The following AKAP8L variants were observed in gnomAD, a reference collection of about 807,000 sequenced individuals.
AKAP8L encodes A-kinase anchor protein 8-like.
AKAP8L carries 34 observed loss-of-function variants against 77.5 expected under a neutral mutation model. That is an observed-to-expected ratio of 0.44 (90% CI 0.33 to 0.58). The LOEUF (loss-of-function observed/expected upper bound fraction) is 0.58, where lower values mean the gene tolerates loss of function less well. Among genes scored for constraint, AKAP8L ranks in the 20% least tolerant of loss-of-function variants. AKAP8L has a pLI of 0.02. For missense variants in AKAP8L, 806 were observed against 887.6 expected, an observed-to-expected ratio of 0.91 and a Z score of 1.17; for synonymous variants, 342 against 340.7, an observed-to-expected ratio of 1.00 and a Z score of -0.04.
intron 12 of AKAP8L, among the ~76,000 whole-genome samples, chr19:15,395,941 G>T (rs1466884786): frequency 8.8e-6 from 1 of 113,674 alleles, no homozygotes; most frequent in Admixed American, 1.2e-4. Flanking sequence ...CCGAGATCGC[G>T]CCACTGCACT....
At chr19:15,388,823 G>C (rs997393814) in intron 12 of AKAP8L, among the ~76,000 whole-genome samples, 12 of 151,940 alleles carry the variant, frequency 7.9e-5, no homozygotes, top group South Asian at 2.1e-4. Context: ...GGCTGAGGCA[G>C]GAGAATGGCA....
At chr19:15,411,123 A>C (rs1394499654) in intron 1 of AKAP8L, among the ~76,000 whole-genome samples, 3 of 152,122 alleles carry the variant, frequency 2.0e-5, no homozygotes, top group African/African-American at 7.2e-5. Flanking sequence ...CCCAAATAAA[A>C]ATTTTTAAAC....
chr19:15,408,736 T>C (rs1968051487), intron 2 of AKAP8L, among the ~76,000 whole-genome samples: 1 of 150,658 alleles, frequency 6.6e-6, no homozygotes, highest in Non-Finnish European at 1.5e-5. Context: ...ACAAAAAGAT[T>C]AGCCAGGCGT....
rs1210288417 is a variant in AKAP8L at position 15,395,086 on chromosome 19, GTGGCACGATCT to G, written c.1536+2053_1536+2063del. Among the ~76,000 whole-genome samples the G allele has an allele frequency of 4.0e-5, 6 of 151,632 alleles. No homozygotes were observed. In the East Asian group the frequency reaches 1.2e-3, roughly 30 times the overall value. On this transcript the variant is annotated intron_variant, in intron 12 of 13. Transcript: ENST00000397410. The stretch of plus-strand genomic sequence containing the variant: ...GCTCTGTCGCCCAGGCTGAAGTGCA[GTGGCACGATCT>G]TGGCTTACTGCAAGCTCTGCCTCCT...
At chr19:15,385,118 C>T (rs1967503918) in intron 12 of AKAP8L, among the ~76,000 whole-genome samples, 1 of 152,190 alleles carries the variant, frequency 6.6e-6, no homozygotes, top group Admixed American at 6.5e-5. Flanking sequence ...GCTGGGACTA[C>T]AGGCGCCCAC....
At chr19:15,387,653 A>C (rs773003871) in intron 12 of AKAP8L, among the ~76,000 whole-genome samples, 1 of 152,048 alleles carries the variant, frequency 6.6e-6, no homozygotes, top group Admixed American at 6.6e-5. Flanking sequence ...AATCTCAAAC[A>C]ACCACCTCAA....
Position 15,399,692 on chromosome 19 carries a change from G to A in AKAP8L, c.1049-282C>T. The A allele has an allele frequency of 2.1e-6, 1 of 467,608 alleles. No individual in the cohort carries two copies. The highest frequency in any genetic ancestry group is 4.1e-5 in the East Asian group (1 of 24,416). The allele number at this position is 467,608 out of a possible 1,614,324, so 29.0% of individuals were successfully genotyped here. A position where few individuals can be genotyped will look rare whatever the true frequency, so the allele number is the denominator to read the frequency against. On this transcript the variant is annotated intron_variant, in intron 8 of 13. Coordinates refer to ENST00000397410, the MANE Select transcript of AKAP8L (RefSeq NM_014371.4). The surrounding 1 kb of genome is among the most constrained non-coding windows in gnomAD (Gnocchi z 6.1). ...CAGGAGGAGGCTGGAAAGCAAAGAG[G>A]GGGTATCTTTGTGGGGACACTGGCA...
At position 15,399,650 on chromosome 19, in the gene AKAP8L, C is replaced by T. The variant is rs990493729; in HGVS notation, c.1049-240G>A. ...CCCTCCACTCTCCAGGACACCCATG[C>T]TCTCTGTGCAGTGGGCCAGGAGGAG... On this transcript the variant is annotated intron_variant, in intron 8 of 13. Coordinates refer to ENST00000397410, the MANE Select transcript of AKAP8L (RefSeq NM_014371.4). The surrounding 1 kb of genome is among the most constrained non-coding windows in gnomAD (Gnocchi z 6.1). The T allele has an allele frequency of 1.8e-6, 1 of 550,656 alleles. No homozygotes were observed. Among genetic ancestry groups the T allele is most frequent in the Non-Finnish European group, 3.3e-6 (1 of 305,788 alleles). The allele number at this position is 550,656 out of a possible 1,614,324, so 34.1% of individuals were successfully genotyped here.
rs959051795 is a variant in AKAP8L at position 15,399,481 on chromosome 19, T to C, written c.1049-71A>G. The C allele has an allele frequency of 3.5e-6, 4 of 1,138,298 alleles. No individual in the cohort carries two copies. The highest frequency in any genetic ancestry group is 1.5e-5 in the African/African-American group (1 of 65,954). 70.5% of individuals were successfully genotyped at this position (1,138,298 alleles called of 1,614,324 possible). A position where few individuals can be genotyped will look rare whatever the true frequency, so the allele number is the denominator to read the frequency against. On this transcript the variant is annotated intron_variant, in intron 8 of 13. Coordinates refer to ENST00000397410, the MANE Select transcript of AKAP8L (RefSeq NM_014371.4). The surrounding 1 kb of genome is among the most constrained non-coding windows in gnomAD (Gnocchi z 6.1). The stretch of plus-strand genomic sequence containing the variant: ...CAGGGCAGGCCCTGCGGCCTCTGGC[T>C]GAATCACCCACTGTCCACTCCAGAG...
At chr19:15,394,578 C>G (rs994914837) in intron 12 of AKAP8L, among the ~76,000 whole-genome samples, 4 of 151,802 alleles carry the variant, frequency 2.6e-5, no homozygotes, top group Admixed American at 2.6e-4. Flanking sequence ...GGGTCTTGCT[C>G]TGTTGCCCAG....
intron 12 of AKAP8L, among the ~76,000 whole-genome samples, chr19:15,386,290 G>C (rs970516455): frequency 7.2e-5 from 11 of 152,046 alleles, no homozygotes; most frequent in African/African-American, 2.7e-4. Context: ...CAGAATTTTG[G>C]AATTAAGGTT....
intron 1 of AKAP8L, among the ~76,000 whole-genome samples, chr19:15,412,385 A>C (rs1968121924): frequency 6.6e-6 from 1 of 152,180 alleles, no homozygotes; most frequent in Non-Finnish European, 1.5e-5. Context: ...CCATCTCAAA[A>C]TAAATAAATA....
chr19:15,414,589 C>T (rs1599623919), intron 1 of AKAP8L, among the ~76,000 whole-genome samples: 1 of 150,116 alleles, frequency 6.7e-6, no homozygotes, highest in African/African-American at 2.5e-5. Context: ...CCTGGGGTCA[C>T]GCCATTCTCC....
intron 12 of AKAP8L, among the ~76,000 whole-genome samples, chr19:15,392,336 A>C (rs1046164760): frequency 1.3e-5 from 2 of 151,764 alleles, no homozygotes; most frequent in African/African-American, 4.8e-5. Context: ...TCTCTACAAA[A>C]AATACAAAAA....
chr19:15,403,769 CAGACAG>C lies in AKAP8L; in HGVS notation c.122-60_122-55del, dbSNP rs1967946702. The C allele has an allele frequency of 7.4e-7, 1 of 1,358,412 alleles. No individual in the cohort carries two copies. Among genetic ancestry groups the C allele is most frequent in the East Asian group, 2.5e-5 (1 of 40,054 alleles). 84.1% of individuals were successfully genotyped at this position (1,358,412 alleles called of 1,614,324 possible). The stretch of plus-strand genomic sequence containing the variant: ...ATGGTGGGGGCAGGCAGAGGGGAGG[CAGACAG>C]AGACAGAGACAAACACAGATACAAG... On this transcript the variant is annotated intron_variant, in intron 3 of 13. Transcript: ENST00000397410. This position sits in a 1 kb window ranked among gnomAD's most constrained non-coding sequence, Gnocchi z 4.3.
chr19:15,391,952 C>T (rs1213065638), intron 12 of AKAP8L, among the ~76,000 whole-genome samples: 2 of 152,198 alleles, frequency 1.3e-5, no homozygotes, highest in Non-Finnish European at 2.9e-5. Context: ...CCTCTTACCT[C>T]AGCCTCCTGC....
Position 15,403,217 on chromosome 19 carries a change from T to C in AKAP8L, c.362+258A>G. Reference sequence around the variant, plus strand: ...CTCTGTTTTTGAGGGCACAGTGAAGTCTGCCCAGTCTGGGCTTGTTCCTCT... The same window carrying C: ...CTCTGTTTTTGAGGGCACAGTGAAGCCTGCCCAGTCTGGGCTTGTTCCTCT... On this transcript the variant is annotated intron_variant, in intron 4 of 13. Coordinates refer to ENST00000397410, the MANE Select transcript of AKAP8L (RefSeq NM_014371.4). This position sits in a 1 kb window ranked among gnomAD's most constrained non-coding sequence, Gnocchi z 4.3. The C allele has an allele frequency of 1.9e-6, 1 of 518,924 alleles. No homozygotes were observed. 32.1% of individuals were successfully genotyped at this position (518,924 alleles called of 1,614,324 possible).
intron 2 of AKAP8L, among the ~76,000 whole-genome samples, chr19:15,409,955 T>G (rs1438767186): frequency 6.6e-6 from 1 of 152,108 alleles, no homozygotes; most frequent in Admixed American, 6.6e-5. Flanking sequence ...TGGACTTTTT[T>G]TTTTTTGAGA....
intron 1 of AKAP8L, chr19:15,417,564 C>T (rs1005870581): frequency 2.6e-5 from 4 of 152,208 alleles, no homozygotes; most frequent in African/African-American, 9.7e-5. Context: ...GGCAGAATCA[C>T]CCCTGGATGA....
Sources: gnomAD v4.1 joint callset for allele counts (sites outside exome capture counted in the v4.1 genomes callset) on GRCh38, gnomAD v4.1.1 for gene constraint, Gnocchi (gnomAD v3.1) non-coding constraint, MANE v1.5 for transcripts, NCBI Gene and HGNC (gene_info 2026-07-23, HGNC 2026-07-21) for gene names.